Variants in ENOX2 observed in about 807,000 individuals in gnomAD.
ENOX2 encodes the protein ecto-NOX disulfide-thiol exchanger 2.
A neutral mutation model predicts 45.0 loss-of-function variants in ENOX2; 36 were observed. The ratio of observed to expected loss-of-function variants is 0.80; its 90% CI spans 0.61 to 1.06. ENOX2 has a LOEUF of 1.06. Among genes scored for constraint, ENOX2 ranks in the 50% least tolerant of loss-of-function variants. ENOX2 has a pLI of 0.00. For missense variants in ENOX2, 423 were observed against 462.5 expected (o/e 0.91, Z 0.78); for synonymous variants, 174 against 152.3 (o/e 1.14, Z -1.05).
intron 7 of ENOX2, among the ~76,000 whole-genome samples, chrX:130,668,076 TGAGAGAGA>T (rs755689837): frequency 1.9e-4 from 19 of 102,413 alleles, no homozygotes; most frequent in Non-Finnish European, 3.2e-4. Flanking sequence ...TGTGTGTGTG[TGAGAGAGA>T]GAGAGAGAGA....
intron 2 of ENOX2, among the ~76,000 whole-genome samples, chrX:130,853,569 C>CACAAGAA: frequency 9.2e-6 from 1 of 108,406 alleles, no homozygotes; most frequent in Middle Eastern, 4.8e-3. Context: ...AGCCAAACAA[C>CACAAGAA]ACAAGAAACT....
chrX:130,791,155 G>A (rs1370025935), intron 2 of ENOX2, among the ~76,000 whole-genome samples: 1 of 111,122 alleles, frequency 9.0e-6, no homozygotes, highest in Non-Finnish European at 1.9e-5. Flanking sequence ...ATACTATTCT[G>A]GCTGTCCTTG....
chrX:130,816,906 C>T (rs1341223457), intron 2 of ENOX2, among the ~76,000 whole-genome samples: 2 of 111,552 alleles, frequency 1.8e-5, no homozygotes, highest in Non-Finnish European at 3.8e-5. Flanking sequence ...CAAGAAATAA[C>T]TAAGATCAGA....
chrX:130,823,913 A>T (rs1319947146), intron 2 of ENOX2, among the ~76,000 whole-genome samples: 1 of 112,485 alleles, frequency 8.9e-6, no homozygotes, highest in Non-Finnish European at 1.9e-5. Context: ...AGAATTCCTT[A>T]AAAAATCTGC....
chrX:130,803,902 C>T (rs150935988), intron 2 of ENOX2, among the ~76,000 whole-genome samples: 1,238 of 110,949 alleles, frequency 0.011, 24 homozygotes, highest in African/African-American at 0.038. Context: ...TATTTTTTTC[C>T]AAAAGCTATA....
At chrX:130,708,733 G>C (rs1180726039) in intron 3 of ENOX2, among the ~76,000 whole-genome samples, 2 of 112,016 alleles carry the variant, frequency 1.8e-5, no homozygotes, top group Non-Finnish European at 3.8e-5. Context: ...ATACAAAAGA[G>C]TCCTCCACAG....
chrX:130,668,054 T>C (rs1003972574), intron 7 of ENOX2, among the ~76,000 whole-genome samples: 1 of 108,417 alleles, frequency 9.2e-6, no homozygotes, highest in Admixed American at 9.9e-5. Context: ...TTACCCTCTC[T>C]GATTGTGTGT....
intron 2 of ENOX2, among the ~76,000 whole-genome samples, chrX:130,861,232 T>C (rs2078402558): frequency 8.9e-6 from 1 of 112,298 alleles, no homozygotes; most frequent in South Asian, 3.7e-4. Context: ...AACTACCATA[T>C]GATCCAGCAA....
At chrX:130,731,417 G>A (rs2038736153) in intron 3 of ENOX2, among the ~76,000 whole-genome samples, 1 of 111,714 alleles carries the variant, frequency 9.0e-6, no homozygotes, top group Admixed American at 9.5e-5. Context: ...AAAGATGGGA[G>A]CCATACAAAT....
At chrX:130,698,030 G>C (rs916335524) in intron 4 of ENOX2, among the ~76,000 whole-genome samples, 3 of 111,226 alleles carry the variant, frequency 2.7e-5, no homozygotes, top group African/African-American at 9.8e-5. Context: ...CGTTCTTTGT[G>C]GGGACCTCAA....
At chrX:130,749,646 C>T (rs1028957256) in intron 3 of ENOX2, among the ~76,000 whole-genome samples, 14 of 110,628 alleles carry the variant, frequency 1.3e-4, no homozygotes, top group Non-Finnish European at 2.5e-4. Flanking sequence ...CACCTTCCCC[C>T]AAGTCTCTAC....
intron 3 of ENOX2, among the ~76,000 whole-genome samples, chrX:130,780,574 G>A (rs761710438): frequency 1.3e-4 from 14 of 111,871 alleles, no homozygotes; most frequent in South Asian, 3.8e-4. Context: ...GAAAGCAAAA[G>A]TAGAGAAAAT....
chrX:130,760,575 C>A (rs1006264884), intron 3 of ENOX2, among the ~76,000 whole-genome samples: 1 of 108,644 alleles, frequency 9.2e-6, no homozygotes, highest in Non-Finnish European at 1.9e-5. Flanking sequence ...ATCACGAGGT[C>A]AGGAGTTCGA....
intron 2 of ENOX2, among the ~76,000 whole-genome samples, chrX:130,897,228 C>T: frequency 8.9e-6 from 1 of 112,111 alleles, no homozygotes; most frequent in Non-Finnish European, 1.9e-5. Context: ...GCTATTCCAT[C>T]TCTCCTGTGT....
chrX:130,631,457 A>G lies in ENOX2; in HGVS notation c.1528+11T>C. On this transcript the variant is annotated intron_variant, in intron 13 of 14. Coordinates refer to ENST00000394363, the MANE Select transcript of ENOX2 (RefSeq NM_006375.4). ...GCATTGTACGTGGCATGTGTGCATTAGCTTCCTTACCCACTAGCAGTGCTT... is the reference window on the plus strand; with the variant it reads ...GCATTGTACGTGGCATGTGTGCATTGGCTTCCTTACCCACTAGCAGTGCTT... 1 of 1,039,084 alleles carries G rather than the reference A, an allele frequency of 9.6e-7. No homozygotes were observed. Among genetic ancestry groups the G allele is most frequent in the Non-Finnish European group, 1.4e-6 (1 of 738,132 alleles). The allele number at this position is 1,039,084 out of a possible 1,213,427, so 85.6% of individuals were successfully genotyped here.
At chrX:130,783,485 A>G (rs1202242853) in intron 3 of ENOX2, 62 bp downstream of exon 3, 1 of 315,791 alleles carries the variant, frequency 3.2e-6, no homozygotes, top group African/African-American at 2.7e-5. Context: ...GCCACATACT[A>G]GGCTCTGGGA....
chrX:130,679,069 A>G (rs771873046), intron 6 of ENOX2, among the ~76,000 whole-genome samples: 1 of 111,386 alleles, frequency 9.0e-6, no homozygotes, highest in South Asian at 3.9e-4. Context: ...AGCCCTGAGG[A>G]AGGAGTGCCT....
At chrX:130,681,819 T>C (rs757141665) in intron 5 of ENOX2, among the ~76,000 whole-genome samples, 1 of 111,843 alleles carries the variant, frequency 8.9e-6, no homozygotes, top group South Asian at 3.8e-4. Flanking sequence ...CCAGGTTTCT[T>C]AATTCCCAAT....
chrX:130,795,604 T>A (rs1245637269), intron 2 of ENOX2, among the ~76,000 whole-genome samples: 1 of 111,795 alleles, frequency 8.9e-6, no homozygotes, highest in African/African-American at 3.2e-5. Flanking sequence ...ATATGATAGT[T>A]TTTTTTCCTC....
Sources: allele counts gnomAD v4.1 joint callset (sites outside exome capture counted in the v4.1 genomes callset), GRCh38; gene constraint gnomAD v4.1.1; transcripts MANE v1.5; gene names NCBI Gene and HGNC (gene_info 2026-07-23, HGNC 2026-07-21).